NELL1: variants seen among roughly 807,000 people sequenced by gnomAD.
The protein encoded by NELL1 is neural EGFL like 1, also known as protein kinase C-binding protein NELL1.
NELL1 carries 76 observed loss-of-function variants against 107.4 expected under a neutral mutation model. That is an observed-to-expected ratio of 0.71 (90% CI 0.59 to 0.86). The LOEUF (loss-of-function observed/expected upper bound fraction) is 0.86, where lower values mean the gene tolerates loss of function less well. Ranked by LOEUF, NELL1 falls within the 40% of genes least tolerant of loss-of-function variation. The probability of loss-of-function intolerance (pLI) is 0.00; values close to 1 mark genes in which losing one functional copy is unlikely to be tolerated. For synonymous variants in NELL1, 353 were observed against 341.2 expected (o/e 1.03, Z -0.38); for missense variants, 1,024 against 1,005.5 (o/e 1.02, Z -0.25).
chr11:21,253,780 G>A lies in NELL1; in HGVS notation c.1549+24326G>A, dbSNP rs138979327. ...AGATGTCTAAAGGCAGGGATGTGAC[G>A]GTTAAAACAAAACAAAAAAACACAG... is the stretch of plus-strand genomic sequence containing the variant. On this transcript the variant is annotated intron_variant, in intron 14 of 19. Transcript: ENST00000357134. 3.4e-3 allele frequency among the ~76,000 whole-genome samples: 524 copies of A among 152,026 alleles called. 2 individuals carry two copies. Among genetic ancestry groups the A allele is most frequent in the African/African-American group, 0.012 (498 of 41,436 alleles).
intron 16 of NELL1, among the ~76,000 whole-genome samples, chr11:21,557,466 T>A (rs562918906): frequency 7.9e-5 from 12 of 152,154 alleles, no homozygotes; most frequent in African/African-American, 2.9e-4. Context: ...AATGTAGATA[T>A]TTTTTAGAGA....
chr11:21,133,104 T>C (rs1034497762), intron 13 of NELL1, among the ~76,000 whole-genome samples: 3 of 152,070 alleles, frequency 2.0e-5, no homozygotes, highest in African/African-American at 7.2e-5. Context: ...AGTCAGGTCA[T>C]CCCAACAAGT....
chr11:21,174,155 G>A (rs558010844), intron 13 of NELL1, among the ~76,000 whole-genome samples: 1 of 151,550 alleles, frequency 6.6e-6, no homozygotes, highest in Non-Finnish European at 1.5e-5. Context: ...TGTGTAGAGT[G>A]GTCATATATT....
At chr11:21,382,061 C>T (rs1851627075) in intron 15 of NELL1, among the ~76,000 whole-genome samples, 1 of 151,694 alleles carries the variant, frequency 6.6e-6, no homozygotes, top group South Asian at 2.1e-4. Flanking sequence ...AAAGGCTACC[C>T]ACTTATCCTT....
chr11:20,984,819 A>G (rs1405708604), intron 12 of NELL1, among the ~76,000 whole-genome samples: 1 of 152,086 alleles, frequency 6.6e-6, no homozygotes, highest in Non-Finnish European at 1.5e-5. Context: ...TTGAAGGTAC[A>G]TTAACTCGCT....
chr11:21,557,197 T>C (rs1368962479), intron 16 of NELL1, among the ~76,000 whole-genome samples: 1 of 152,060 alleles, frequency 6.6e-6, no homozygotes, highest in Admixed American at 6.6e-5. Flanking sequence ...ATTAGATTTC[T>C]GTGTCATAAG....
chr11:21,456,110 C>G (rs1437785260), intron 15 of NELL1, among the ~76,000 whole-genome samples: 1 of 152,090 alleles, frequency 6.6e-6, no homozygotes, highest in Admixed American at 6.6e-5. Flanking sequence ...CTAGTCTGGT[C>G]TCGAACTCCT....
At chr11:20,889,003 A>C (rs1849564765) in intron 5 of NELL1, among the ~76,000 whole-genome samples, 3 of 152,206 alleles carry the variant, frequency 2.0e-5, no homozygotes, top group Non-Finnish European at 2.9e-5. Flanking sequence ...CTAATGTTTT[A>C]TTGCCCAAAG....
chr11:21,520,221 C>G (rs532230837), intron 15 of NELL1, among the ~76,000 whole-genome samples: 1 of 152,270 alleles, frequency 6.6e-6, no homozygotes, highest in Non-Finnish European at 1.5e-5. Flanking sequence ...AGTTCCTATC[C>G]TAGTAAGGGC....
At chr11:21,150,259 A>G (rs561467492) in intron 13 of NELL1, among the ~76,000 whole-genome samples, 1 of 152,230 alleles carries the variant, frequency 6.6e-6, no homozygotes, top group African/African-American at 2.4e-5. Context: ...TCTTCTATCT[A>G]TGGTTGCACA....
chr11:21,511,554 A>G (rs1482069800), intron 15 of NELL1, among the ~76,000 whole-genome samples: 1 of 152,214 alleles, frequency 6.6e-6, no homozygotes, highest in East Asian at 1.9e-4. Flanking sequence ...GGTTAATGCT[A>G]GGAAGAAAAG....
intron 14 of NELL1, among the ~76,000 whole-genome samples, chr11:21,361,985 C>A (rs937076746): frequency 6.6e-6 from 1 of 152,162 alleles, no homozygotes; most frequent in Non-Finnish European, 1.5e-5. Flanking sequence ...CTTTATCTAG[C>A]AATTCAGAGA....
At chr11:21,342,642 T>TAA (rs369016970) in intron 14 of NELL1, among the ~76,000 whole-genome samples, 16 of 120,776 alleles carry the variant, frequency 1.3e-4, no homozygotes, top group African/African-American at 3.6e-4. Context: ...AGACTGTCTT[T>TAA]AAAAAAAAAA....
intron 15 of NELL1, among the ~76,000 whole-genome samples, chr11:21,455,970 C>T: frequency 2.3e-5 from 1 of 43,488 alleles, no homozygotes; most frequent in East Asian, 1.3e-3. Flanking sequence ...CTCACTACAA[C>T]CTCTGCCTCC....
intron 14 of NELL1, among the ~76,000 whole-genome samples, chr11:21,248,537 G>A: frequency 6.6e-6 from 1 of 152,088 alleles, no homozygotes; most frequent in Non-Finnish European, 1.5e-5. Context: ...GGTGGTTCCT[G>A]AGGTAGAGTC....
At chr11:20,949,152 G>A (rs1590452371) in intron 11 of NELL1, among the ~76,000 whole-genome samples, 1 of 152,160 alleles carries the variant, frequency 6.6e-6, no homozygotes, top group East Asian at 1.9e-4. Context: ...AAAACAGGTG[G>A]CAGCCTGTAA....
intron 2 of NELL1, among the ~76,000 whole-genome samples, chr11:20,755,672 C>T (rs973488978): frequency 2.0e-5 from 3 of 151,530 alleles, no homozygotes; most frequent in Non-Finnish European, 2.9e-5. Context: ...TCTCCTGCCT[C>T]AGCCTCCCGA....
At chr11:21,224,443 G>A (rs938649129) in intron 13 of NELL1, among the ~76,000 whole-genome samples, 2 of 150,870 alleles carry the variant, frequency 1.3e-5, no homozygotes, top group African/African-American at 4.9e-5. Context: ...CCTCACTCTG[G>A]TCTCAAACTC....
rs1856566872 is a variant in NELL1 at position 21,169,921 on chromosome 11, TG to T, written c.1426+56209del. ...CCAGGTCGTCCACCGATGCCTTTTA[TG>T]GCAGGAGGAAGTGCGGCTGGACCAA... On this transcript the variant is annotated intron_variant, in intron 13 of 19. Transcript: ENST00000357134. The T allele has an allele frequency of 6.2e-6, 9 of 1,462,450 alleles. No individual in the cohort carries two copies. In the East Asian group the frequency reaches 2.0e-4, roughly 33 times the overall value. The allele number at this position is 1,462,450 out of a possible 1,614,324, so 90.6% of individuals were successfully genotyped here.
Sources: allele counts gnomAD v4.1 joint callset (sites outside exome capture counted in the v4.1 genomes callset), GRCh38; gene constraint gnomAD v4.1.1; transcripts MANE v1.5; gene names NCBI Gene and HGNC (gene_info 2026-07-23, HGNC 2026-07-21).